The following CEP112 variants were observed in gnomAD, a reference collection of about 807,000 sequenced individuals.
The protein encoded by CEP112 is centrosomal protein 112, also known as centrosomal protein of 112 kDa.
CEP112 carries 127 observed loss-of-function variants against 153.0 expected under a neutral mutation model. The ratio of observed to expected loss-of-function variants is 0.83; its 90% CI spans 0.72 to 0.96. CEP112 has a LOEUF of 0.96. CEP112 is among the 40% of genes least tolerant of loss of function. CEP112 has a pLI of 0.00. For synonymous variants in CEP112, 358 were observed against 374.4 expected (o/e 0.96, Z 0.51); for missense variants, 1,089 against 1,101.2 (o/e 0.99, Z 0.16).
chr17:66,117,942 A>C (rs184674415), intron 6 of CEP112, among the ~76,000 whole-genome samples: 2 of 152,326 alleles, frequency 1.3e-5, no homozygotes, highest in African/African-American at 4.8e-5. Flanking sequence ...AAGAAATGCA[A>C]ATCAAAACCA....
At chr17:65,699,257 C>T (rs531800922) in intron 23 of CEP112, among the ~76,000 whole-genome samples, 10 of 152,140 alleles carry the variant, frequency 6.6e-5, no homozygotes, top group Non-Finnish European at 8.8e-5. Flanking sequence ...ATTTACACTA[C>T]GGTAATGAGC....
At chr17:66,183,372 G>A in intron 1 of CEP112, 65 bp from the exon 2 acceptor site, 1 of 1,150,052 alleles carries the variant, frequency 8.7e-7, no homozygotes. Flanking sequence ...ACTCTGATGA[G>A]AAAGATAAAA....
At chr17:66,048,507 A>G (rs2066308131) in intron 12 of CEP112, among the ~76,000 whole-genome samples, 1 of 152,234 alleles carries the variant, frequency 6.6e-6, no homozygotes, top group Non-Finnish European at 1.5e-5. Flanking sequence ...TAAGGCCTCA[A>G]TGTTAAAGGC....
At chr17:66,077,618 A>G (rs2067551633) in intron 8 of CEP112, among the ~76,000 whole-genome samples, 1 of 152,240 alleles carries the variant, frequency 6.6e-6, no homozygotes, top group Non-Finnish European at 1.5e-5. Flanking sequence ...AGAGAAATCT[A>G]AAAGTGTGGA....
rs544646803 is a variant in CEP112, at chr17:65,926,539, CCT to C, written c.1980+1041_1980+1042del. ...ACCAGCCTGGCCAACATGGTGAAAC[CCT>C]GTCTCTACTAAAATTACAAAATTTA... On this transcript the variant is annotated intron_variant, in intron 19 of 26. Coordinates refer to ENST00000535342, the MANE Select transcript of CEP112 (RefSeq NM_001199165.4). 7.6e-4 allele frequency among the ~76,000 whole-genome samples: 116 copies of C among 152,140 alleles called. 1 individual carries two copies. Among genetic ancestry groups the C allele is most frequent in the African/African-American group, 2.8e-3 (116 of 41,486 alleles).
intron 21 of CEP112, among the ~76,000 whole-genome samples, chr17:65,777,269 T>C (rs1305941380): frequency 1.3e-5 from 2 of 152,204 alleles, no homozygotes; most frequent in African/African-American, 2.4e-5. Context: ...AGGGATGGCA[T>C]AGGGTAAGCC....
intron 23 of CEP112, among the ~76,000 whole-genome samples, chr17:65,737,616 C>T (rs2050877770): frequency 6.6e-6 from 1 of 152,208 alleles, no homozygotes; most frequent in Admixed American, 6.5e-5. Flanking sequence ...TTAACATAAT[C>T]TCAAAGTGAG....
At chr17:65,643,462 TA>T (rs2045259762) in intron 24 of CEP112, among the ~76,000 whole-genome samples, 1 of 92,752 alleles carries the variant, frequency 1.1e-5, no homozygotes, top group Non-Finnish European at 2.0e-5. Context: ...CACACCTGGC[TA>T]ATTTTTTTTT....
Position 65,977,972 on chromosome 17 carries a change from G to T in CEP112, c.1737-16374C>A, listed in dbSNP as rs944745307. On this transcript the variant is annotated intron_variant, in intron 17 of 26. Coordinates refer to ENST00000535342, the MANE Select transcript of CEP112 (RefSeq NM_001199165.4). ...CACCTGTAATCCCAGCTACTCAGGG[G>T]GCTGAGGCAGGAGAATCACTTGAAC... Among the ~76,000 whole-genome samples the T allele has an allele frequency of 5.5e-4, 84 of 152,332 alleles. 3 individuals are homozygous for T. Among genetic ancestry groups the T allele is most frequent in the Admixed American group, 5.4e-3 (83 of 15,302 alleles).
chr17:66,093,342 A>G (rs1179959328), intron 8 of CEP112, among the ~76,000 whole-genome samples: 1 of 152,104 alleles, frequency 6.6e-6, no homozygotes, highest in Non-Finnish European at 1.5e-5. Context: ...ACTGTCTCCT[A>G]AATAAATAAA....
intron 19 of CEP112, chr17:65,913,852 C>T (rs865873786): frequency 1.0e-6 from 1 of 985,304 alleles, no homozygotes; most frequent in African/African-American, 1.7e-5. Context: ...CAGGCGCTAT[C>T]TCCTGTGGTT....
intron 23 of CEP112, among the ~76,000 whole-genome samples, chr17:65,708,317 G>A (rs557737249): frequency 6.6e-6 from 1 of 151,892 alleles, no homozygotes; most frequent in South Asian, 2.1e-4. Flanking sequence ...TCCCACTAAG[G>A]GATCAAACCC....
At chr17:65,661,738 A>G (rs1405627242) in intron 24 of CEP112, 1 of 152,132 alleles carries the variant, frequency 6.6e-6, no homozygotes, top group Non-Finnish European at 1.5e-5. Flanking sequence ...TTGCTAACCT[A>G]TTATGTAGGC....
chr17:65,718,996 C>T (rs747731368), intron 23 of CEP112, among the ~76,000 whole-genome samples: 2 of 152,190 alleles, frequency 1.3e-5, no homozygotes, highest in African/African-American at 4.8e-5. Context: ...CATGGAAAAT[C>T]GAGGATGTGG....
At chr17:65,964,905 T>C (rs563576975) in intron 17 of CEP112, among the ~76,000 whole-genome samples, 5 of 152,328 alleles carry the variant, frequency 3.3e-5, no homozygotes, top group African/African-American at 9.6e-5. Context: ...AGAAAGTATA[T>C]TGAACATGAT....
chr17:65,804,199 T>C (rs1488713330), intron 21 of CEP112, among the ~76,000 whole-genome samples: 6 of 152,192 alleles, frequency 3.9e-5, no homozygotes, highest in Admixed American at 2.0e-4. Flanking sequence ...AAAAGACATG[T>C]TAATTTAAAT....
intron 18 of CEP112, among the ~76,000 whole-genome samples, chr17:65,950,916 C>T (rs1466394458): frequency 1.3e-5 from 2 of 151,964 alleles, no homozygotes; most frequent in African/African-American, 2.4e-5. Flanking sequence ...TGCTTCGAGT[C>T]CTAATTTGCC....
At chr17:65,722,768 A>G (rs1567917086) in intron 23 of CEP112, among the ~76,000 whole-genome samples, 1 of 152,236 alleles carries the variant, frequency 6.6e-6, no homozygotes, top group Non-Finnish European at 1.5e-5. Context: ...TAAGTGGAAA[A>G]CTGCCATTTA....
rs143111931 is a variant in CEP112 at position 66,119,190 on chromosome 17, T to A, written c.642+10556A>T. Among the ~76,000 whole-genome samples, 108 of 152,194 alleles carry A rather than the reference T, an allele frequency of 7.1e-4. 1 individual carries two copies. The highest frequency in any genetic ancestry group is 2.5e-3 in the African/African-American group (105 of 41,506). ...AGGGAACAACACACACTGGGGCCTG[T>A]CAGGGGAGGCTAGAGGGTTGTGGGG... is the stretch of plus-strand genomic sequence containing the variant. On this transcript the variant is annotated intron_variant, in intron 6 of 26. Transcript: ENST00000535342.
Sources: gnomAD v4.1 joint callset for allele counts (sites outside exome capture counted in the v4.1 genomes callset) on GRCh38, gnomAD v4.1.1 for gene constraint, MANE v1.5 for transcripts, NCBI Gene and HGNC (gene_info 2026-07-23, HGNC 2026-07-21) for gene names.